SLC36A1: variants seen among roughly 807,000 people sequenced by gnomAD.
SLC36A1 encodes solute carrier family 36 member 1, also known as proton-coupled amino acid transporter 1.
In SLC36A1, 30 loss-of-function variants were observed where a neutral mutation model predicts 47.5. The ratio of observed to expected loss-of-function variants is 0.63; its 90% CI spans 0.47 to 0.86. The LOEUF (loss-of-function observed/expected upper bound fraction) is 0.86. Among genes scored for constraint, SLC36A1 ranks in the 40% least tolerant of loss-of-function variants. SLC36A1 has a pLI of 0.00. For synonymous variants in SLC36A1, 255 were observed against 249.7 expected (o/e 1.02, Z -0.20); for missense variants, 517 against 606.0 (o/e 0.85, Z 1.54).
chr5:151,346,306 C>T, the SLC36A1 span, among the ~76,000 whole-genome samples: 8 of 152,338 alleles, frequency 5.3e-5, no homozygotes, highest in South Asian at 1.7e-3. Context: ...GCACAGGCAG[C>T]AGGGCCAGTC....
the SLC36A1 span, among the ~76,000 whole-genome samples, chr5:151,526,871 G>T: frequency 6.6e-6 from 1 of 152,086 alleles, no homozygotes; most frequent in Non-Finnish European, 1.5e-5. Flanking sequence ...CAAACCATTA[G>T]TAGGGAATAG....
chr5:151,490,364 T>C lies in SLC36A1; in HGVS notation c.*2110T>C, dbSNP rs1186427300. The C allele has an allele frequency of 6.6e-6, 1 of 152,312 alleles. No individual in the cohort carries two copies. Among genetic ancestry groups the C allele is most frequent in the South Asian group, 2.1e-4 (1 of 4,826 alleles). 9.4% of individuals were successfully genotyped at this position (152,312 alleles called of 1,614,324 possible). Reference sequence around the variant, plus strand: ...CTATCTTAGCTGTCTTTCCCAGCGGTGCTAAGAGTGGTCTCAGTGAGAAGG... The same window carrying C: ...CTATCTTAGCTGTCTTTCCCAGCGGCGCTAAGAGTGGTCTCAGTGAGAAGG... On this transcript the variant is annotated 3_prime_UTR_variant, in exon 11 of 11. Coordinates refer to ENST00000243389, the MANE Select transcript of SLC36A1 (RefSeq NM_078483.4).
At chr5:151,524,942 C>G in the SLC36A1 span, among the ~76,000 whole-genome samples, 1 of 152,196 alleles carries the variant, frequency 6.6e-6, no homozygotes, top group African/African-American at 2.4e-5. Context: ...ACTTCCTTAT[C>G]ATCATTTGTA....
chr5:151,463,775 G>T, intron 3 of SLC36A1, 132 bp downstream of exon 3: 1 of 709,624 alleles, frequency 1.4e-6, no homozygotes, highest in Admixed American at 2.4e-5. Flanking sequence ...GACAAAAAGC[G>T]GAATTCAGAC....
chr5:151,458,236 C>T (rs61412602), intron 1 of SLC36A1, among the ~76,000 whole-genome samples: 1 of 138,084 alleles, frequency 7.2e-6, no homozygotes, highest in African/African-American at 2.6e-5. Context: ...TTCCATCCCC[C>T]CAAGAGCTTG....
At chr5:151,553,390 G>A in the SLC36A1 span, 1 of 1,613,846 alleles carries the variant, frequency 6.2e-7, no homozygotes, top group Middle Eastern at 1.7e-4. Context: ...GCCTTGATCT[G>A]AAAGGAGGCC....
chr5:151,504,459 T>G, the SLC36A1 span: 1 of 152,694 alleles, frequency 6.5e-6, no homozygotes, highest in South Asian at 2.1e-4. Context: ...TGTAGACATG[T>G]GCCCACATTG....
At chr5:151,460,427 T>C (rs993753195) in intron 2 of SLC36A1, among the ~76,000 whole-genome samples, 5 of 152,224 alleles carry the variant, frequency 3.3e-5, no homozygotes, top group Admixed American at 6.5e-5. Context: ...TGTCCTTGTT[T>C]CTTGGAAATC....
the SLC36A1 span, among the ~76,000 whole-genome samples, chr5:151,533,393 A>AACAC: frequency 0.053 from 7,025 of 132,066 alleles, 312 homozygotes; most frequent in East Asian, 0.22. Flanking sequence ...TGTTATCTCC[A>AACAC]ACACACACAC....
the SLC36A1 span, chr5:151,347,308 G>T: frequency 6.2e-7 from 1 of 1,613,958 alleles, no homozygotes; most frequent in Non-Finnish European, 8.5e-7. Context: ...TTATGCCCTT[G>T]GTCTTCTTCA....
At chr5:151,480,715 T>A (rs1175055358) in intron 10 of SLC36A1, among the ~76,000 whole-genome samples, 2 of 152,254 alleles carry the variant, frequency 1.3e-5, no homozygotes, top group Admixed American at 6.5e-5. Flanking sequence ...TAACTCTCCA[T>A]GCTTTGATTC....
At chr5:151,420,208 A>C in the SLC36A1 span, among the ~76,000 whole-genome samples, 5 of 152,294 alleles carry the variant, frequency 3.3e-5, no homozygotes, top group South Asian at 1.0e-3. Context: ...TTGAATGGCT[A>C]CTGAGTGTTG....
At chr5:151,461,442 CG>C (rs1281888170) in intron 2 of SLC36A1, among the ~76,000 whole-genome samples, 1 of 152,098 alleles carries the variant, frequency 6.6e-6, no homozygotes, top group African/African-American at 2.4e-5. Context: ...ATCAAGCCTC[CG>C]TGCTTCTTCC....
At chr5:151,429,184 A>G in the SLC36A1 span, among the ~76,000 whole-genome samples, 2 of 151,970 alleles carry the variant, frequency 1.3e-5, no homozygotes, top group East Asian at 3.9e-4. Context: ...CTATGATTTT[A>G]TTTTTTTATT....
At chr5:151,350,332 CA>C in the SLC36A1 span, among the ~76,000 whole-genome samples, 8 of 152,326 alleles carry the variant, frequency 5.3e-5, no homozygotes, top group South Asian at 1.7e-3. Context: ...AACTGAGGCT[CA>C]GAGGGGTTAC....
the SLC36A1 span, among the ~76,000 whole-genome samples, chr5:151,367,877 T>C: frequency 6.6e-6 from 1 of 152,252 alleles, no homozygotes; most frequent in Admixed American, 6.5e-5. Context: ...CTGAGGGGAA[T>C]CTCCTTGTCT....
At chr5:151,366,889 A>T in the SLC36A1 span, among the ~76,000 whole-genome samples, 3 of 152,210 alleles carry the variant, frequency 2.0e-5, no homozygotes, top group Admixed American at 6.5e-5. Flanking sequence ...TAAGACCGTG[A>T]TGCCCACCTA....
At chr5:151,360,120 T>A in the SLC36A1 span, among the ~76,000 whole-genome samples, 163 of 152,334 alleles carry the variant, frequency 1.1e-3, no homozygotes, top group African/African-American at 3.6e-3. Flanking sequence ...AAAGCTTTTT[T>A]AAAATTTTTT....
At chr5:151,510,414 A>C in the SLC36A1 span, 1 of 459,164 alleles carries the variant, frequency 2.2e-6, no homozygotes, top group South Asian at 2.7e-5. Flanking sequence ...GAACAGTAAT[A>C]AACAGGATAA....
Sources: gnomAD v4.1 joint callset for allele counts (sites outside exome capture counted in the v4.1 genomes callset) on GRCh38, gnomAD v4.1.1 for gene constraint, MANE v1.5 for transcripts, NCBI Gene and HGNC (gene_info 2026-07-23, HGNC 2026-07-21) for gene names.